KCNQ3: variants seen among roughly 807,000 people sequenced by gnomAD.
KCNQ3 encodes potassium voltage-gated channel subfamily KQT member 3.
KCNQ3 carries 30 observed loss-of-function variants against 92.5 expected under a neutral mutation model. That is an observed-to-expected ratio of 0.32 (90% CI 0.24 to 0.44). The LOEUF is 0.44. Ranked by LOEUF, KCNQ3 falls within the 20% of genes least tolerant of loss-of-function variation. KCNQ3 has a pLI of 1.00. For missense variants in KCNQ3, 913 were observed against 1,140.3 expected, an observed-to-expected ratio of 0.80 and a Z score of 2.87; for synonymous variants, 450 against 468.8, an observed-to-expected ratio of 0.96 and a Z score of 0.52.
At position 132,387,768 on chromosome 8, in the gene KCNQ3, A is replaced by C. The variant is rs933379438; in HGVS notation, c.386+92379T>G. ...GCAATCTCAGCATTTTGGGAGGCCAAGGCAGGAGGATCTCTTGAGTCCAGG... is the reference window on the plus strand; with the variant it reads ...GCAATCTCAGCATTTTGGGAGGCCACGGCAGGAGGATCTCTTGAGTCCAGG... On this transcript the variant is annotated intron_variant, in intron 1 of 14. Transcript: ENST00000388996. 2.6e-5 allele frequency among the ~76,000 whole-genome samples: 4 copies of C among 152,278 alleles called. No individual in the cohort carries two copies. The East Asian group carries it at 7.7e-4, about 29-fold the overall frequency.
chr8:132,172,516 C>T (rs1826409268), intron 7 of KCNQ3, 82 bp downstream of exon 7: 11 of 1,225,466 alleles, frequency 9.0e-6, no homozygotes, highest in Non-Finnish European at 1.3e-5. Flanking sequence ...CATGTGCACA[C>T]ATGCACACAT....
intron 9 of KCNQ3, among the ~76,000 whole-genome samples, chr8:132,154,891 G>A (rs1825757757): frequency 6.6e-6 from 1 of 152,190 alleles, no homozygotes; most frequent in South Asian, 2.1e-4. Context: ...TCAGGTGATT[G>A]GAGAAAAGAT....
intron 1 of KCNQ3, among the ~76,000 whole-genome samples, chr8:132,187,855 A>ATAGTGATGG (rs60036560): frequency 0.19 from 12,749 of 68,830 alleles, 823 homozygotes; most frequent in African/African-American, 0.33. Flanking sequence ...GGTGGTAGTG[A>ATAGTGATGG]TGGTGGTGGT....
At chr8:132,387,670 G>A (rs1819923975) in intron 1 of KCNQ3, among the ~76,000 whole-genome samples, 1 of 152,110 alleles carries the variant, frequency 6.6e-6, no homozygotes, top group Admixed American at 6.6e-5. Flanking sequence ...ACTGTCCTCA[G>A]TAAATAAAGA....
chr8:132,194,736 T>A (rs942397273), intron 1 of KCNQ3, among the ~76,000 whole-genome samples: 7 of 152,238 alleles, frequency 4.6e-5, no homozygotes, highest in African/African-American at 1.7e-4. Flanking sequence ...CATGCCAAGC[T>A]CTTTCAAAAA....
intron 1 of KCNQ3, among the ~76,000 whole-genome samples, chr8:132,367,941 T>C (rs1485108961): frequency 2.0e-5 from 3 of 152,128 alleles, no homozygotes; most frequent in African/African-American, 7.2e-5. Context: ...CTGACAAATA[T>C]TTTGACATTC....
At chr8:132,272,039 G>C (rs1257243943) in intron 1 of KCNQ3, among the ~76,000 whole-genome samples, 1 of 152,206 alleles carries the variant, frequency 6.6e-6, no homozygotes, top group Non-Finnish European at 1.5e-5. Flanking sequence ...CTTCTGCCTA[G>C]AAAGTGGCTA....
At chr8:132,187,833 TGTGGTGGTGGTGGTGGTAGTGATGGTG>T (rs1827034168) in intron 1 of KCNQ3, among the ~76,000 whole-genome samples, 1 of 77,240 alleles carries the variant, frequency 1.3e-5, no homozygotes, top group Non-Finnish European at 2.6e-5. Context: ...TGGTGGTGAT[TGTGGTGGTGGTGGTGGTAGTGATGGTG>T]GTGGTGGTGG....
chr8:132,354,959 G>A (rs1437698311), intron 1 of KCNQ3, among the ~76,000 whole-genome samples: 1 of 152,112 alleles, frequency 6.6e-6, no homozygotes, highest in Non-Finnish European at 1.5e-5. Context: ...CATCACCCTG[G>A]CATTGTCTCT....
At chr8:132,163,389 G>C in intron 9 of KCNQ3, 79 bp downstream of exon 9, 2 of 1,207,144 alleles carry the variant, frequency 1.7e-6, no homozygotes, top group Non-Finnish European at 2.5e-6. Context: ...ACCTCCCATG[G>C]GGCCCTACAC....
intron 1 of KCNQ3, among the ~76,000 whole-genome samples, chr8:132,377,789 C>T (rs544601705): frequency 8.3e-4 from 126 of 152,262 alleles, no homozygotes; most frequent in Non-Finnish European, 1.4e-3. Context: ...TCTCTGATTC[C>T]GTTTTCTCAT....
intron 1 of KCNQ3, among the ~76,000 whole-genome samples, chr8:132,207,096 T>C (rs973006087): frequency 1.1e-4 from 16 of 152,238 alleles, no homozygotes; most frequent in Non-Finnish European, 1.5e-5. Context: ...CAATTGCATG[T>C]TATTATAAAT....
chr8:132,400,426 A>G (rs770289546), intron 1 of KCNQ3, among the ~76,000 whole-genome samples: 5 of 152,212 alleles, frequency 3.3e-5, no homozygotes, highest in East Asian at 1.9e-4. Flanking sequence ...CATTTGATCA[A>G]CTTTGAACAA....
chr8:132,171,428 C>T (rs773262222), intron 7 of KCNQ3, among the ~76,000 whole-genome samples: 4 of 152,148 alleles, frequency 2.6e-5, no homozygotes, highest in Non-Finnish European at 5.9e-5. Flanking sequence ...ACTGTGCCCT[C>T]ATCCTCCAAT....
At chr8:132,363,074 G>A (rs1012280904) in intron 1 of KCNQ3, among the ~76,000 whole-genome samples, 1 of 152,096 alleles carries the variant, frequency 6.6e-6, no homozygotes, top group African/African-American at 2.4e-5. Flanking sequence ...GACAGACAAA[G>A]TCACGGGAAG....
chr8:132,138,066 G>A, intron 11 of KCNQ3, 50 bp from the exon 12 acceptor site: 1 of 1,595,656 alleles, frequency 6.3e-7, no homozygotes, highest in Non-Finnish European at 8.5e-7. Context: ...AGAGTGCGGG[G>A]AGCTATAACA....
chr8:132,316,120 A>T (rs1817735808), intron 1 of KCNQ3, among the ~76,000 whole-genome samples: 1 of 152,112 alleles, frequency 6.6e-6, no homozygotes, highest in East Asian at 1.9e-4. Context: ...AATTACTGGT[A>T]TTTTAAAAGA....
chr8:132,346,058 T>C (rs928144255), intron 1 of KCNQ3, among the ~76,000 whole-genome samples: 1 of 151,974 alleles, frequency 6.6e-6, no homozygotes, highest in African/African-American at 2.4e-5. Context: ...ATGGTGATGA[T>C]GGAATGGTCA....
intron 1 of KCNQ3, among the ~76,000 whole-genome samples, chr8:132,334,725 T>C (rs1818319459): frequency 2.0e-5 from 3 of 152,174 alleles, no homozygotes; most frequent in Admixed American, 6.5e-5. Context: ...AACTCATTGA[T>C]ACATTCAAGA....
Sources: gnomAD v4.1 joint callset for allele counts (sites outside exome capture counted in the v4.1 genomes callset) on GRCh38, gnomAD v4.1.1 for gene constraint, MANE v1.5 for transcripts, NCBI Gene and HGNC (gene_info 2026-07-23, HGNC 2026-07-21) for gene names.